Variants in ATF6 observed in about 807,000 individuals in gnomAD.
ATF6 encodes the protein cyclic AMP-dependent transcription factor ATF-6 alpha.
In ATF6, 53 loss-of-function variants were observed where a neutral mutation model predicts 83.6. The observed-to-expected ratio is 0.63, with a 90% CI of 0.51 to 0.80. ATF6 has a LOEUF of 0.80. Among genes scored for constraint, ATF6 ranks in the 30% least tolerant of loss-of-function variants. ATF6 has a pLI of 0.00. For synonymous variants in ATF6, 288 were observed against 285.8 expected, an observed-to-expected ratio of 1.01 and a Z score of -0.08; for missense variants, 744 against 797.9, an observed-to-expected ratio of 0.93 and a Z score of 0.81.
At chr1:161,785,496 T>C (rs1684723938) in intron 4 of ATF6, among the ~76,000 whole-genome samples, 1 of 152,200 alleles carries the variant, frequency 6.6e-6, no homozygotes, top group African/African-American at 2.4e-5. Flanking sequence ...AGTATATAAT[T>C]TTCCCATTAT....
chr1:161,801,960 C>T (rs1685159823), intron 6 of ATF6, 92 bp from the exon 7 acceptor site: 3 of 1,119,876 alleles, frequency 2.7e-6, no homozygotes, highest in Non-Finnish European at 4.0e-6. Flanking sequence ...TGATCTTACC[C>T]ATTACGTCTG....
At chr1:161,956,320 A>C (rs893912654) in intron 15 of ATF6, among the ~76,000 whole-genome samples, 7 of 152,160 alleles carry the variant, frequency 4.6e-5, no homozygotes, top group Admixed American at 3.3e-4. Flanking sequence ...ACAGCCCTTC[A>C]GTTTTTCTAA....
chr1:161,913,410 G>A (rs1329389657), intron 15 of ATF6, among the ~76,000 whole-genome samples: 1 of 152,102 alleles, frequency 6.6e-6, no homozygotes, highest in Non-Finnish European at 1.5e-5. Flanking sequence ...AGTCTTTAGG[G>A]GAAAAGTGGT....
intron 6 of ATF6, among the ~76,000 whole-genome samples, chr1:161,797,615 G>A (rs1198027852): frequency 6.6e-6 from 1 of 152,114 alleles, no homozygotes; most frequent in South Asian, 2.1e-4. Flanking sequence ...AGCAAGCTGG[G>A]GAGGTGAAAG....
chr1:161,809,661 CAG>C (rs1656426751), intron 7 of ATF6, among the ~76,000 whole-genome samples: 2 of 152,242 alleles, frequency 1.3e-5, no homozygotes, highest in Admixed American at 6.5e-5. Flanking sequence ...GTCCTACTAA[CAG>C]TGTAAAAGTG....
chr1:161,785,489 A>G (rs1270756262), intron 4 of ATF6, among the ~76,000 whole-genome samples: 1 of 152,174 alleles, frequency 6.6e-6, no homozygotes, highest in Non-Finnish European at 1.5e-5. Flanking sequence ...ATTTCAGAGT[A>G]TATAATTTTC....
At chr1:161,840,732 T>C (rs1011993132) in intron 9 of ATF6, among the ~76,000 whole-genome samples, 6 of 152,212 alleles carry the variant, frequency 3.9e-5, no homozygotes, top group Non-Finnish European at 7.3e-5. Flanking sequence ...AAATCATTTG[T>C]GTTTTATTAA....
intron 10 of ATF6, among the ~76,000 whole-genome samples, chr1:161,850,014 C>A (rs542064061): frequency 6.6e-6 from 1 of 152,250 alleles, no homozygotes; most frequent in East Asian, 1.9e-4. Context: ...CACTCCTCTC[C>A]GTCTCTGCTG....
At chr1:161,909,375 G>A (rs982885917) in intron 14 of ATF6, among the ~76,000 whole-genome samples, 2 of 152,120 alleles carry the variant, frequency 1.3e-5, no homozygotes, top group Non-Finnish European at 2.9e-5. Flanking sequence ...CTTACAGTCC[G>A]TTGACCAGAC....
chr1:161,801,498 T>C (rs1282492414), intron 6 of ATF6, among the ~76,000 whole-genome samples: 1 of 152,004 alleles, frequency 6.6e-6, no homozygotes, highest in Non-Finnish European at 1.5e-5. Context: ...TATCACTATG[T>C]TGCCTTGGCT....
At chr1:161,775,610 A>G (rs77848374) in intron 1 of ATF6, among the ~76,000 whole-genome samples, 2,526 of 152,056 alleles carry the variant, frequency 0.017, 176 homozygotes, top group Admixed American at 0.12. Flanking sequence ...CCCAGATTTG[A>G]CCACTGAGAA....
chr1:161,766,765 C>T (rs568879190), intron 1 of ATF6, among the ~76,000 whole-genome samples: 1 of 152,268 alleles, frequency 6.6e-6, no homozygotes, highest in East Asian at 1.9e-4. Flanking sequence ...CTGGGACCGC[C>T]AAAAAGGCTA....
At chr1:161,777,740 T>A (rs1210615389) in intron 1 of ATF6, among the ~76,000 whole-genome samples, 1 of 152,200 alleles carries the variant, frequency 6.6e-6, no homozygotes, top group Non-Finnish European at 1.5e-5. Flanking sequence ...TGAAATGAAT[T>A]TGATGGTTTA....
intron 14 of ATF6, among the ~76,000 whole-genome samples, chr1:161,875,648 A>G (rs1388673043): frequency 6.6e-6 from 1 of 151,780 alleles, no homozygotes; most frequent in Non-Finnish European, 1.5e-5. Flanking sequence ...TCACTAATTT[A>G]TTTTCAAGAA....
chr1:161,938,843 G>A (rs1030073307), intron 15 of ATF6, among the ~76,000 whole-genome samples: 7 of 152,108 alleles, frequency 4.6e-5, no homozygotes, highest in African/African-American at 1.4e-4. Flanking sequence ...TTGCTTTTTA[G>A]TAAAACTTTT....
intron 7 of ATF6, among the ~76,000 whole-genome samples, chr1:161,811,353 G>T (rs1408818645): frequency 6.6e-6 from 1 of 152,146 alleles, no homozygotes; most frequent in Non-Finnish European, 1.5e-5. Context: ...TGATATTCAA[G>T]AATTTAAAGT....
chr1:161,886,366 T>G (rs1401397315), intron 14 of ATF6, among the ~76,000 whole-genome samples: 1 of 152,208 alleles, frequency 6.6e-6, no homozygotes, highest in African/African-American at 2.4e-5. Flanking sequence ...TTATGTTTAT[T>G]AAATACATAT....
At chr1:161,776,077 C>T (rs1684508696) in intron 1 of ATF6, among the ~76,000 whole-genome samples, 2 of 152,136 alleles carry the variant, frequency 1.3e-5, no homozygotes, top group Admixed American at 6.5e-5. Flanking sequence ...TCTCCCGACT[C>T]TTTCCATGCT....
intron 7 of ATF6, among the ~76,000 whole-genome samples, chr1:161,817,098 T>C (rs1024272651): frequency 1.4e-4 from 21 of 152,226 alleles, no homozygotes; most frequent in African/African-American, 4.8e-4. Flanking sequence ...ATGGTTTTCA[T>C]TTTTTTAGTA....
Sources: allele counts gnomAD v4.1 joint callset (sites outside exome capture counted in the v4.1 genomes callset), GRCh38; gene constraint gnomAD v4.1.1; transcripts MANE v1.5; gene names NCBI Gene and HGNC (gene_info 2026-07-23, HGNC 2026-07-21).